Variants in RAB2A observed in about 807,000 individuals in gnomAD.
RAB2A encodes ras-related protein Rab-2A.
Under a neutral mutation model 32.5 loss-of-function variants are expected in RAB2A, and 7 were observed. The observed-to-expected ratio is 0.22, with a 90% CI of 0.12 to 0.40. RAB2A has a LOEUF of 0.40. RAB2A is among the 10% of genes least tolerant of loss of function. The pLI is 1.00. For missense variants in RAB2A, 108 were observed against 260.7 expected (o/e 0.41, Z 4.03); for synonymous variants, 79 against 85.2 (o/e 0.93, Z 0.40).
intron 6 of RAB2A, among the ~76,000 whole-genome samples, chr8:60,612,746 C>A (rs1804373277): frequency 6.6e-6 from 1 of 152,166 alleles, no homozygotes; most frequent in South Asian, 2.1e-4. Context: ...AGCAATGGCC[C>A]TTTTCCTTCT....
intron 5 of RAB2A, among the ~76,000 whole-genome samples, chr8:60,587,683 G>A (rs946901994): frequency 1.3e-5 from 2 of 152,150 alleles, no homozygotes; most frequent in Non-Finnish European, 2.9e-5. Context: ...AAATTAGCTA[G>A]ATTAACCATT....
chr8:60,533,515 C>T (rs930647163), intron 1 of RAB2A, among the ~76,000 whole-genome samples: 2 of 152,174 alleles, frequency 1.3e-5, no homozygotes, highest in Non-Finnish European at 2.9e-5. Context: ...GAGTAGAAGA[C>T]ATACAGTTGG....
intron 2 of RAB2A, among the ~76,000 whole-genome samples, chr8:60,565,676 ATTTTTTTTTTTTTTT>A (rs71252885): frequency 1.2e-4 from 12 of 97,632 alleles, no homozygotes; most frequent in Non-Finnish European, 2.1e-4. Flanking sequence ...TCTGTAGCTG[ATTTTTTTTTTTTTTT>A]TTTTTTTTTT....
At chr8:60,614,083 T>A (rs1292346812) in intron 6 of RAB2A, among the ~76,000 whole-genome samples, 1 of 151,994 alleles carries the variant, frequency 6.6e-6, no homozygotes, top group Admixed American at 6.6e-5. Context: ...GAAGATCATT[T>A]ATTTTCAATA....
At chr8:60,576,069 T>C (rs1803612121) in intron 3 of RAB2A, among the ~76,000 whole-genome samples, 1 of 152,206 alleles carries the variant, frequency 6.6e-6, no homozygotes, top group Non-Finnish European at 1.5e-5. Flanking sequence ...TGCTAGCAGA[T>C]ACTCCTTGGA....
intron 2 of RAB2A, among the ~76,000 whole-genome samples, chr8:60,568,445 CAT>C (rs1808148968): frequency 6.6e-6 from 1 of 152,086 alleles, no homozygotes; most frequent in African/African-American, 2.4e-5. Context: ...TTATACCTAA[CAT>C]ATTAAATACT....
intron 1 of RAB2A, among the ~76,000 whole-genome samples, chr8:60,542,690 GA>G (rs1365609381): frequency 6.6e-6 from 1 of 152,160 alleles, no homozygotes; most frequent in East Asian, 1.9e-4. Flanking sequence ...GTAAAAGAAA[GA>G]AACAGAAATA....
chr8:60,567,800 G>A lies in RAB2A; in HGVS notation c.119-4246G>A, dbSNP rs79605555. Reference sequence around the variant, plus strand: ...TGTTAAATTATTTTGCATGTTCTAGGTAGACTTTTTAGTCCTATCTGTAAG... The same window carrying A: ...TGTTAAATTATTTTGCATGTTCTAGATAGACTTTTTAGTCCTATCTGTAAG... On this transcript the variant is annotated intron_variant, in intron 2 of 7. Coordinates refer to ENST00000262646, the MANE Select transcript of RAB2A (RefSeq NM_002865.3). Among the ~76,000 whole-genome samples, 730 of 151,828 alleles carry A rather than the reference G, an allele frequency of 4.8e-3. 15 individuals carry two copies. In the South Asian group the frequency reaches 0.057, roughly 12 times the overall value.
intron 3 of RAB2A, among the ~76,000 whole-genome samples, chr8:60,578,418 C>T (rs1803678703): frequency 6.6e-6 from 1 of 152,108 alleles, no homozygotes; most frequent in African/African-American, 2.4e-5. Flanking sequence ...GAATTAGGGG[C>T]TTGAGCTGGT....
chr8:60,539,761 A>G (rs1807611540), intron 1 of RAB2A, among the ~76,000 whole-genome samples: 1 of 152,126 alleles, frequency 6.6e-6, no homozygotes, highest in African/African-American at 2.4e-5. Context: ...TCCTTCTTGG[A>G]AAATCATAGG....
Position 60,540,999 on chromosome 8 carries a change from A to T in RAB2A, c.47-17853A>T, listed in dbSNP as rs558975151. On this transcript the variant is annotated intron_variant, in intron 1 of 7. Transcript: ENST00000262646. ...AGAATACAGTATGGAAAAGAGGGGGAAAGTTCCTTTCCATTGGAGAAGCCT... is the reference window on the plus strand; with the variant it reads ...AGAATACAGTATGGAAAAGAGGGGGTAAGTTCCTTTCCATTGGAGAAGCCT... 3.9e-5 allele frequency among the ~76,000 whole-genome samples: 6 copies of T among 152,304 alleles called. No homozygotes were observed. The South Asian group carries it at 1.2e-3, about 32-fold the overall frequency.
chr8:60,565,004 A>T (rs1488611640), intron 2 of RAB2A, among the ~76,000 whole-genome samples: 2 of 152,242 alleles, frequency 1.3e-5, no homozygotes, highest in East Asian at 3.8e-4. Context: ...CAGCCCACTA[A>T]TTCCCACTAC....
intron 1 of RAB2A, among the ~76,000 whole-genome samples, chr8:60,532,995 C>T (rs554097371): frequency 1.3e-5 from 2 of 152,290 alleles, no homozygotes; most frequent in African/African-American, 4.8e-5. Context: ...CTGACAGAAT[C>T]CAAAATGACC....
intron 3 of RAB2A, among the ~76,000 whole-genome samples, chr8:60,581,287 A>C (rs763372161): frequency 5.3e-5 from 8 of 152,240 alleles, no homozygotes; most frequent in Admixed American, 2.0e-4. Flanking sequence ...TTCTAAAATC[A>C]GAAACACTTC....
chr8:60,608,414 C>T (rs566129707), intron 6 of RAB2A, among the ~76,000 whole-genome samples: 4 of 151,870 alleles, frequency 2.6e-5, no homozygotes, highest in Admixed American at 2.0e-4. Flanking sequence ...TCCATGACAC[C>T]GTTTTCTTTC....
At chr8:60,600,969 C>T (rs139313980) in intron 6 of RAB2A, among the ~76,000 whole-genome samples, 1 of 152,328 alleles carries the variant, frequency 6.6e-6, no homozygotes. Context: ...TTATTTCTTA[C>T]ACCTGCATGT....
intron 2 of RAB2A, among the ~76,000 whole-genome samples, chr8:60,562,303 G>A (rs1808036476): frequency 6.6e-6 from 1 of 150,678 alleles, no homozygotes; most frequent in African/African-American, 2.5e-5. Flanking sequence ...TCATGCATTA[G>A]AAATCCATTG....
chr8:60,565,108 C>T (rs920593348), intron 2 of RAB2A, among the ~76,000 whole-genome samples: 1 of 152,192 alleles, frequency 6.6e-6, no homozygotes, highest in Non-Finnish European at 1.5e-5. Flanking sequence ...ACCTATCTCT[C>T]CCACTTCCTT....
At chr8:60,546,940 G>T (rs868033997) in intron 1 of RAB2A, among the ~76,000 whole-genome samples, 1 of 131,978 alleles carries the variant, frequency 7.6e-6, no homozygotes, top group Non-Finnish European at 1.6e-5. Context: ...GGTGTTTCTC[G>T]CAGAGGGGGA....
Sources: gnomAD v4.1 joint callset for allele counts (sites outside exome capture counted in the v4.1 genomes callset) on GRCh38, gnomAD v4.1.1 for gene constraint, MANE v1.5 for transcripts, NCBI Gene and HGNC (gene_info 2026-07-23, HGNC 2026-07-21) for gene names.